DOCK9: variants seen among roughly 807,000 people sequenced by gnomAD.
DOCK9 encodes the protein dedicator of cytokinesis protein 9.
In DOCK9, 89 loss-of-function variants were observed where a neutral mutation model predicts 263.3. The ratio of observed to expected loss-of-function variants is 0.34; its 90% CI spans 0.28 to 0.40. DOCK9 has a LOEUF of 0.40. DOCK9 is among the 10% of genes least tolerant of loss of function. The probability of loss-of-function intolerance (pLI) is 1.00; values close to 1 mark genes in which losing one functional copy is unlikely to be tolerated. For missense variants in DOCK9, 2,140 were observed against 2,603.4 expected (o/e 0.82, Z 3.87); for synonymous variants, 976 against 973.1 (o/e 1.00, Z -0.06).
At chr13:99,021,284 A>G (rs1210463099) in intron 1 of DOCK9, among the ~76,000 whole-genome samples, 3 of 152,212 alleles carry the variant, frequency 2.0e-5, no homozygotes, top group Non-Finnish European at 2.9e-5. Context: ...AAATTCAAAT[A>G]CATGAGAATT....
intron 13 of DOCK9, among the ~76,000 whole-genome samples, chr13:98,901,318 C>T (rs1273464651): frequency 6.6e-6 from 1 of 152,164 alleles, no homozygotes; most frequent in African/African-American, 2.4e-5. Flanking sequence ...AAACTCTGCC[C>T]CTTCTAGCAA....
chr13:98,960,103 A>G lies in DOCK9; in HGVS notation c.127-4552T>C, dbSNP rs148728307. Among the ~76,000 whole-genome samples, 439 of 152,362 alleles carry G rather than the reference A, an allele frequency of 2.9e-3. 4 individuals are homozygous for G. Among genetic ancestry groups the G allele is most frequent in the African/African-American group, 0.01 (422 of 41,586 alleles). ...TATTTGCAAGAACGAGGCCTGGCAC[A>G]GATCTGGCACACAGCCGTGGTTTTA... On this transcript the variant is annotated intron_variant, in intron 1 of 52. Transcript: ENST00000682017.
chr13:99,009,929 A>G (rs1884177304), intron 1 of DOCK9, among the ~76,000 whole-genome samples: 1 of 152,154 alleles, frequency 6.6e-6, no homozygotes, highest in African/African-American at 2.4e-5. Flanking sequence ...GTATGAAGAC[A>G]TGTTGAAGAC....
intron 13 of DOCK9, among the ~76,000 whole-genome samples, chr13:98,899,814 T>C (rs192828124): frequency 3.5e-4 from 53 of 152,310 alleles, no homozygotes; most frequent in Admixed American, 8.5e-4. Context: ...AGGGAGCAAA[T>C]AGAACACAGT....
upstream of DOCK9, chr13:98,978,182 C>T: frequency 9.2e-7 from 1 of 1,082,038 alleles, no homozygotes; most frequent in Non-Finnish European, 1.2e-6. Context: ...GAACAATACA[C>T]AGTGTACTGC....
intron 39 of DOCK9, among the ~76,000 whole-genome samples, chr13:98,832,764 G>C (rs893762417): frequency 6.6e-6 from 1 of 152,190 alleles, no homozygotes; most frequent in Non-Finnish European, 1.5e-5. Context: ...GGGAACGATA[G>C]GTGTGTGCAT....
chr13:98,890,657 A>G (rs531804203), intron 15 of DOCK9, among the ~76,000 whole-genome samples: 39 of 152,292 alleles, frequency 2.6e-4, no homozygotes, highest in Middle Eastern at 3.4e-3. Flanking sequence ...ATTTTTGAAA[A>G]GTTCCTACCT....
chr13:99,020,108 T>TA (rs1885902924), intron 1 of DOCK9, among the ~76,000 whole-genome samples: 2 of 151,606 alleles, frequency 1.3e-5, no homozygotes, highest in Admixed American at 6.6e-5. Context: ...TCTCAAAAAA[T>TA]AAAAAAAATT....
At chr13:98,973,508 T>C (rs2059937926) in intron 1 of DOCK9, among the ~76,000 whole-genome samples, 1 of 152,236 alleles carries the variant, frequency 6.6e-6, no homozygotes, top group Admixed American at 6.5e-5. Flanking sequence ...CACGTGGTCA[T>C]TCAAACATTA....
Position 99,060,062 on chromosome 13 carries a change from C to CTTTTTTTTTTTTTTTT in DOCK9, c.129+26145_129+26160dup, listed in dbSNP as rs71114576. 2.4e-4 allele frequency among the ~76,000 whole-genome samples: 15 copies of CTTTTTTTTTTTTTTTT among 61,460 alleles called. 3 individuals carry two copies. Among genetic ancestry groups the CTTTTTTTTTTTTTTTT allele is most frequent in the African/African-American group, 9.5e-4 (12 of 12,596 alleles). 40.3% of individuals were successfully genotyped at this position (61,460 alleles called of 152,430 possible). A position where few individuals can be genotyped will look rare whatever the true frequency, so the allele number is the denominator to read the frequency against. On this transcript the variant is annotated intron_variant, in intron 1 of 32. Transcript: ENST00000427887. ...AGTTACAGACATTTGATTGTTTCTA[C>CTTTTTTTTTTTTTTTT]TTTTTTTTTTTTTTTTTTTTTTTTT...
chr13:99,074,785 G>A (rs921085224), intron 1 of DOCK9, among the ~76,000 whole-genome samples: 1 of 152,176 alleles, frequency 6.6e-6, no homozygotes, highest in African/African-American at 2.4e-5. Context: ...CTCCTGAGTT[G>A]CAGCAAGCTT....
At chr13:98,797,357 G>C in intron 51 of DOCK9, 32 bp downstream of exon 51, 2 of 1,609,158 alleles carry the variant, frequency 1.2e-6, no homozygotes, top group Non-Finnish European at 1.7e-6. Context: ...ATCAATACTC[G>C]AAGAGAAAAA....
At chr13:99,012,096 G>A (rs1254132196) in intron 1 of DOCK9, among the ~76,000 whole-genome samples, 1 of 152,210 alleles carries the variant, frequency 6.6e-6, no homozygotes, top group East Asian at 1.9e-4. Context: ...GACTACAGGT[G>A]TGAGCCACAG....
At position 98,914,351 on chromosome 13, in the gene DOCK9, T is replaced by C; in HGVS notation, c.937A>G (p.Ser313Gly). 6.2e-7 allele frequency: 1 copy of C among 1,610,114 alleles called. No individual in the cohort carries two copies. The highest frequency in any genetic ancestry group is 8.5e-7 in the Non-Finnish European group (1 of 1,178,400). Reference protein sequence around the residue: ...KLEGSGSGLDSYLPELAKSAR... With the variant: ...KLEGSGSGLDGYLPELAKSAR... ...ACCTTGGCAAGTTCCGGCAGGTAGC[T>C]ATCTAAACCGGAACCAGAACCTTCC... Residue 313 changes from serine to glycine, a missense_variant, in exon 9 of 53, where the codon AGC becomes GGC. By Grantham distance (56) the Ser-to-Gly change is moderately conservative. This residue lies in a region of DOCK9 where 1,521 missense variants were observed against 1,741.7 expected (regional missense o/e 0.87). Transcript: ENST00000682017.
chr13:99,060,329 G>C (rs995116278), intron 1 of DOCK9, among the ~76,000 whole-genome samples: 1 of 151,754 alleles, frequency 6.6e-6, no homozygotes, highest in African/African-American at 2.4e-5. Flanking sequence ...CACCTGCCTC[G>C]GCCTCCCAAA....
At chr13:98,926,710 G>C (rs2053030446) in intron 3 of DOCK9, among the ~76,000 whole-genome samples, 1 of 152,228 alleles carries the variant, frequency 6.6e-6, no homozygotes, top group Non-Finnish European at 1.5e-5. Context: ...AAGAATTTTA[G>C]TTAAAATCAG....
chr13:99,087,831 T>G (rs1410387804), upstream of DOCK9: 1 of 152,266 alleles, frequency 6.6e-6, no homozygotes, highest in Non-Finnish European at 1.5e-5. Context: ...GATGGACAGT[T>G]CCTTACCTGC....
chr13:98,928,071 T>C (rs1454895737), intron 3 of DOCK9, among the ~76,000 whole-genome samples: 3 of 150,596 alleles, frequency 2.0e-5, no homozygotes, highest in African/African-American at 4.9e-5. Flanking sequence ...ATTCATTGAT[T>C]TAACAAGCCA....
intron 45 of DOCK9, among the ~76,000 whole-genome samples, chr13:98,820,402 G>A (rs1257367276): frequency 6.6e-6 from 1 of 152,212 alleles, no homozygotes; most frequent in Non-Finnish European, 1.5e-5. Context: ...CCTGTTCATG[G>A]TGTTACAGGA....
Sources: gnomAD v4.1 joint callset for allele counts (sites outside exome capture counted in the v4.1 genomes callset) on GRCh38, gnomAD v4.1.1 for gene constraint, gnomAD v4.1.1 regional missense constraint, MANE v1.5 for transcripts, NCBI Gene and HGNC (gene_info 2026-07-23, HGNC 2026-07-21) for gene names.